PTPRD: variants seen among roughly 807,000 people sequenced by gnomAD.
The protein encoded by PTPRD is receptor-type tyrosine-protein phosphatase delta.
Under a neutral mutation model 214.5 loss-of-function variants are expected in PTPRD, and 34 were observed. The observed-to-expected ratio is 0.16, with a 90% CI of 0.12 to 0.21. The LOEUF (loss-of-function observed/expected upper bound fraction) is 0.21, where lower values mean the gene tolerates loss of function less well. PTPRD is among the 10% of genes least tolerant of loss of function. PTPRD has a pLI of 1.00. For missense variants in PTPRD, 2,545 were observed against 2,398.7 expected (o/e 1.06, Z -1.27); for synonymous variants, 1,128 against 845.7 (o/e 1.33, Z -5.79).
intron 3 of PTPRD, among the ~76,000 whole-genome samples, chr9:10,052,177 T>G (rs1484850241): frequency 1.3e-5 from 2 of 152,120 alleles, no homozygotes; most frequent in African/African-American, 4.8e-5. Context: ...CTGTTATTAT[T>G]TACATTGTAA....
chr9:8,782,836 T>C (rs754317376), intron 11 of PTPRD, among the ~76,000 whole-genome samples: 23 of 152,102 alleles, frequency 1.5e-4, no homozygotes, highest in African/African-American at 3.9e-4. Context: ...CCTCGTGATC[T>C]GCCCTCCTTG....
At chr9:9,086,787 A>G (rs75234236) in intron 10 of PTPRD, among the ~76,000 whole-genome samples, 2,341 of 152,184 alleles carry the variant, frequency 0.015, 40 homozygotes, top group East Asian at 0.064. Flanking sequence ...TAAAATGTGA[A>G]CAAAGATGAC....
intron 7 of PTPRD, among the ~76,000 whole-genome samples, chr9:9,629,981 T>A (rs1165941122): frequency 1.8e-5 from 2 of 109,296 alleles, no homozygotes; most frequent in South Asian, 5.0e-4. Context: ...GCAGCCTCCC[T>A]TTTTTTTCCA....
intron 14 of PTPRD, among the ~76,000 whole-genome samples, chr9:8,619,396 C>A (rs2095736548): frequency 6.6e-6 from 1 of 151,604 alleles, no homozygotes; most frequent in Non-Finnish European, 1.5e-5. Context: ...CTACTCTCTA[C>A]TACTGATATC....
intron 3 of PTPRD, among the ~76,000 whole-genome samples, chr9:10,288,681 C>T (rs974399301): frequency 6.6e-6 from 1 of 152,118 alleles, no homozygotes; most frequent in African/African-American, 2.4e-5. Flanking sequence ...TGAAGCACCG[C>T]AGTAATGACA....
rs550349687 is a variant in PTPRD at position 8,602,378 on chromosome 9, C to G, written c.352+30939G>C. 3.3e-5 allele frequency among the ~76,000 whole-genome samples: 5 copies of G among 152,266 alleles called. No individual in the cohort carries two copies. In the South Asian group the frequency reaches 1.0e-3, roughly 32 times the overall value. On this transcript the variant is annotated intron_variant, in intron 14 of 45. Coordinates refer to ENST00000381196, the MANE Select transcript of PTPRD (RefSeq NM_002839.4). ...ATAAGCCTTTGGTGGTGCTTCTTCT[C>G]TCCACTTATAAATAGGATGACAACA...
intron 35 of PTPRD, among the ~76,000 whole-genome samples, chr9:8,421,404 A>C (rs773844408): frequency 9.5e-5 from 13 of 136,278 alleles, no homozygotes; most frequent in Non-Finnish European, 1.6e-4. Flanking sequence ...CTTTCTCTCA[A>C]CTTATGCATG....
intron 9 of PTPRD, among the ~76,000 whole-genome samples, chr9:9,384,648 T>A (rs766051108): frequency 1.3e-5 from 2 of 151,992 alleles, no homozygotes; most frequent in Non-Finnish European, 2.9e-5. Context: ...TTACCCTGGT[T>A]GTTAATGTTT....
At chr9:10,545,685 A>G (rs1370042568) in intron 2 of PTPRD, among the ~76,000 whole-genome samples, 1 of 152,208 alleles carries the variant, frequency 6.6e-6, no homozygotes, top group African/African-American at 2.4e-5. Flanking sequence ...AGAAGTATAA[A>G]TAAAGGAAAA....
intron 9 of PTPRD, among the ~76,000 whole-genome samples, chr9:9,196,063 A>G (rs1244928722): frequency 6.6e-6 from 1 of 152,192 alleles, no homozygotes; most frequent in Non-Finnish European, 1.5e-5. Context: ...ATTCTAGCCC[A>G]TGTCTGACCA....
intron 21 of PTPRD, among the ~76,000 whole-genome samples, chr9:8,509,875 C>G (rs1258621730): frequency 2.0e-5 from 3 of 152,160 alleles, no homozygotes; most frequent in African/African-American, 7.2e-5. Flanking sequence ...TAAAGGTTGG[C>G]TAGACGACTT....
At chr9:8,580,907 C>T (rs1353271279) in intron 14 of PTPRD, among the ~76,000 whole-genome samples, 3 of 152,208 alleles carry the variant, frequency 2.0e-5, no homozygotes, top group African/African-American at 7.2e-5. Flanking sequence ...ATATCACTGA[C>T]ATCCTATTTC....
intron 35 of PTPRD, among the ~76,000 whole-genome samples, chr9:8,418,343 T>C (rs181794871): frequency 1.1e-4 from 16 of 152,232 alleles, no homozygotes; most frequent in African/African-American, 3.6e-4. Context: ...GCCACTATCA[T>C]GTGTTACAGA....
chr9:8,839,192 T>C (rs2097504905), intron 11 of PTPRD, among the ~76,000 whole-genome samples: 1 of 152,030 alleles, frequency 6.6e-6, no homozygotes, highest in Non-Finnish European at 1.5e-5. Flanking sequence ...AAGGGAAAAA[T>C]TATCACTTCA....
intron 35 of PTPRD, among the ~76,000 whole-genome samples, chr9:8,423,735 C>G (rs1354632889): frequency 6.6e-6 from 1 of 151,970 alleles, no homozygotes; most frequent in African/African-American, 2.4e-5. Context: ...CTGACAATGT[C>G]AAAACAAGAA....
chr9:9,753,079 C>T (rs1028817423), intron 6 of PTPRD, among the ~76,000 whole-genome samples: 5 of 152,040 alleles, frequency 3.3e-5, no homozygotes, highest in African/African-American at 1.2e-4. Flanking sequence ...AAATGTTAGA[C>T]TTTTAATACA....
At chr9:9,470,800 T>C (rs2094533607) in intron 8 of PTPRD, among the ~76,000 whole-genome samples, 1 of 152,186 alleles carries the variant, frequency 6.6e-6, no homozygotes, top group African/African-American at 2.4e-5. Flanking sequence ...CACGAATCAA[T>C]GTGAAGCTGC....
intron 2 of PTPRD, among the ~76,000 whole-genome samples, chr9:10,600,548 G>T (rs1473725640): frequency 1.3e-5 from 2 of 151,770 alleles, no homozygotes; most frequent in Non-Finnish European, 2.9e-5. Flanking sequence ...GGCTAAGTAA[G>T]AAACTCACAC....
intron 24 of PTPRD, among the ~76,000 whole-genome samples, 193 bp downstream of exon 24, chr9:8,500,558 GAAA>G (rs146807692): frequency 0.045 from 624 of 13,970 alleles, no homozygotes; most frequent in Middle Eastern, 0.12. Flanking sequence ...TGAAAAAAAT[GAAA>G]AAAAAAAAAA....
Sources: gnomAD v4.1 joint callset for allele counts (sites outside exome capture counted in the v4.1 genomes callset) on GRCh38, gnomAD v4.1.1 for gene constraint, MANE v1.5 for transcripts, NCBI Gene and HGNC (gene_info 2026-07-23, HGNC 2026-07-21) for gene names.